ARMC9: variants seen among roughly 807,000 people sequenced by gnomAD.
The protein encoded by ARMC9 is lisH domain-containing protein ARMC9.
In ARMC9, 94 loss-of-function variants were observed where a neutral mutation model predicts 107.0. The ratio of observed to expected loss-of-function variants is 0.88; its 90% CI spans 0.74 to 1.04. The LOEUF is 1.04. Ranked by LOEUF, ARMC9 falls within the 50% of genes least tolerant of loss-of-function variation. The pLI is 0.00. For synonymous variants in ARMC9, 380 were observed against 396.9 expected (o/e 0.96, Z 0.51); for missense variants, 942 against 1,030.1 (o/e 0.91, Z 1.17).
chr2:231,366,294 C>T (rs528990502), intron 23 of ARMC9, among the ~76,000 whole-genome samples: 1 of 152,298 alleles, frequency 6.6e-6, no homozygotes, highest in Admixed American at 6.5e-5. Context: ...CACTCAGAGT[C>T]CACTGATTTA....
intron 19 of ARMC9, among the ~76,000 whole-genome samples, chr2:231,327,750 G>T (rs571407200): frequency 1.3e-5 from 2 of 152,104 alleles, no homozygotes; most frequent in African/African-American, 4.8e-5. Flanking sequence ...AGAAATTGCC[G>T]AAATGTAGTT....
intron 17 of ARMC9, among the ~76,000 whole-genome samples, chr2:231,289,713 A>G (rs577794173): frequency 1.3e-5 from 2 of 152,268 alleles, no homozygotes; most frequent in South Asian, 2.1e-4. Context: ...GAGCCTGGGC[A>G]CTGCTGGTCC....
intron 18 of ARMC9, among the ~76,000 whole-genome samples, chr2:231,292,448 A>G (rs1262323651): frequency 6.6e-6 from 1 of 152,118 alleles, no homozygotes; most frequent in African/African-American, 2.4e-5. Flanking sequence ...TTATTCATTC[A>G]CTGCAGAAAA....
At chr2:231,212,439 T>C (rs2032997646) in intron 3 of ARMC9, among the ~76,000 whole-genome samples, 1 of 152,242 alleles carries the variant, frequency 6.6e-6, no homozygotes, top group Non-Finnish European at 1.5e-5. Flanking sequence ...GAACAAACTG[T>C]AGATGGGCCA....
At chr2:231,368,336 T>A (rs1341362583) in intron 23 of ARMC9, among the ~76,000 whole-genome samples, 1 of 152,188 alleles carries the variant, frequency 6.6e-6, no homozygotes, top group Non-Finnish European at 1.5e-5. Flanking sequence ...TCCTGATCTC[T>A]GATCCCCAGC....
intron 12 of ARMC9, among the ~76,000 whole-genome samples, chr2:231,267,226 A>G (rs2038929964): frequency 6.6e-6 from 1 of 151,936 alleles, no homozygotes; most frequent in African/African-American, 2.4e-5. Flanking sequence ...TCCAACAGCA[A>G]TATTTATTTT....
rs750609632 is a variant in ARMC9 at position 231,344,969 on chromosome 2, C to T, written c.1879-6C>T. ...TCCAGCCCTTTTTTCTCTTTCCTTC[C>T]ACCAGATCATGACCAACACGGGGAA... is the stretch of plus-strand genomic sequence containing the variant. On this transcript the variant is annotated splice_polypyrimidine_tract_variant and splice_region_variant and intron_variant, in intron 20 of 24. Coordinates refer to ENST00000611582, the MANE Select transcript of ARMC9 (RefSeq NM_001352754.2). 1.9e-6 allele frequency: 3 copies of T among 1,613,640 alleles called. No homozygotes were observed. The highest frequency in any genetic ancestry group is 2.2e-5 in the South Asian group (2 of 91,066).
At chr2:231,313,922 ATTT>A (rs554156249) in intron 19 of ARMC9, among the ~76,000 whole-genome samples, 4 of 130,272 alleles carry the variant, frequency 3.1e-5, no homozygotes, top group Non-Finnish European at 1.7e-5. Context: ...CTTCTGCCTA[ATTT>A]TTTTTTTTTT....
At position 231,256,583 on chromosome 2, in the gene ARMC9, C is replaced by A; in HGVS notation, c.880-3C>A. Reference sequence around the variant, plus strand: ...CTGTTTTCTTCTGTCCTCTTCCCCCCAGGCATCCACCATGTTACGAGCCTC... The same window carrying A: ...CTGTTTTCTTCTGTCCTCTTCCCCCAAGGCATCCACCATGTTACGAGCCTC... On this transcript the variant is annotated splice_polypyrimidine_tract_variant and splice_region_variant and intron_variant, in intron 9 of 24. Transcript: ENST00000611582. The A allele has an allele frequency of 1.2e-6, 2 of 1,614,072 alleles. No homozygotes were observed. The highest frequency in any genetic ancestry group is 1.7e-6 in the Non-Finnish European group (2 of 1,179,944).
chr2:231,321,555 C>T (rs17587010), intron 19 of ARMC9, among the ~76,000 whole-genome samples: 9,080 of 151,962 alleles, frequency 0.06, 604 homozygotes, highest in South Asian at 0.25. Flanking sequence ...TAAGAAAATC[C>T]CTTCATTGGG....
intron 20 of ARMC9, 133 bp from the exon 21 acceptor site, chr2:231,344,842 C>A: frequency 1.1e-6 from 1 of 941,176 alleles, no homozygotes; most frequent in Non-Finnish European, 1.6e-6. Flanking sequence ...TAATTTGTGA[C>A]ATGATCCTTC....
chr2:231,362,675 T>C lies in ARMC9; in HGVS notation c.2261+1792T>C, dbSNP rs1355507557. 1.3e-5 allele frequency: 2 copies of C among 152,974 alleles called. No homozygotes were observed. Among genetic ancestry groups the C allele is most frequent in the South Asian group, 4.1e-4 (2 of 4,834 alleles). The allele number at this position is 152,974 out of a possible 1,614,324, so 9.5% of individuals were successfully genotyped here. On this transcript the variant is annotated intron_variant, in intron 23 of 24. Transcript: ENST00000611582. The surrounding 1 kb of genome is among the most constrained non-coding windows in gnomAD (Gnocchi z 4.7). The stretch of plus-strand genomic sequence containing the variant: ...GGAGGGAGAAGTACAAGTTGTTCCA[T>C]CTTCCTCTTCCTCCCTCACTGGCAA...
At chr2:231,367,183 A>G (rs1282330602) in intron 23 of ARMC9, among the ~76,000 whole-genome samples, 1 of 152,170 alleles carries the variant, frequency 6.6e-6, no homozygotes, top group Non-Finnish European at 1.5e-5. Context: ...ATTTTTAATA[A>G]CCATCACATA....
At chr2:231,230,594 T>C (rs548647303) in intron 7 of ARMC9, among the ~76,000 whole-genome samples, 19 of 152,190 alleles carry the variant, frequency 1.2e-4, no homozygotes, top group Non-Finnish European at 2.2e-4. Flanking sequence ...CTAAGGAGTA[T>C]ACAGTTGTCC....
chr2:231,217,271 G>A (rs1465663650), intron 5 of ARMC9, among the ~76,000 whole-genome samples: 1 of 152,222 alleles, frequency 6.6e-6, no homozygotes, highest in African/African-American at 2.4e-5. Context: ...TTAGGCATAT[G>A]TGTACCAGTG....
At chr2:231,312,967 A>G (rs2042442109) in intron 19 of ARMC9, among the ~76,000 whole-genome samples, 1 of 152,292 alleles carries the variant, frequency 6.6e-6, no homozygotes, top group Non-Finnish European at 1.5e-5. Flanking sequence ...GCTAGAATTC[A>G]TCTATTTAAC....
At chr2:231,215,120 G>T (rs111369126) in intron 4 of ARMC9, 119 bp downstream of exon 4, 1 of 1,158,142 alleles carries the variant, frequency 8.6e-7, no homozygotes, top group Non-Finnish European at 1.2e-6. Flanking sequence ...TGCTTACGAG[G>T]TACAGGCATC....
At chr2:231,238,116 G>A (rs970556678) in intron 8 of ARMC9, among the ~76,000 whole-genome samples, 2 of 151,900 alleles carry the variant, frequency 1.3e-5, no homozygotes, top group African/African-American at 2.4e-5. Flanking sequence ...AGTTGAAGGT[G>A]GGTTGAGACA....
intron 17 of ARMC9, chr2:231,288,566 T>C: frequency 2.1e-6 from 1 of 468,754 alleles, no homozygotes; most frequent in Admixed American, 2.4e-5. Context: ...TGAGTAAAAG[T>C]AGAAGTGAGT....
Sources: gnomAD v4.1 joint callset for allele counts (sites outside exome capture counted in the v4.1 genomes callset) on GRCh38, gnomAD v4.1.1 for gene constraint, Gnocchi (gnomAD v3.1) non-coding constraint, MANE v1.5 for transcripts, NCBI Gene and HGNC (gene_info 2026-07-23, HGNC 2026-07-21) for gene names.